SDK1: variants seen among roughly 807,000 people sequenced by gnomAD.
SDK1 encodes the protein protein sidekick-1.
SDK1 carries 157 observed loss-of-function variants against 245.5 expected under a neutral mutation model. The observed-to-expected ratio is 0.64, with a 90% CI of 0.56 to 0.73. The LOEUF (loss-of-function observed/expected upper bound fraction) is 0.73, where lower values mean the gene tolerates loss of function less well. SDK1 is among the 30% of genes least tolerant of loss of function. The pLI, the probability that SDK1 is intolerant of heterozygous loss-of-function variation, is 0.00. For synonymous variants in SDK1, 1,647 were observed against 1,278.5 expected (o/e 1.29, Z -6.15); for missense variants, 3,583 against 3,002.3 (o/e 1.19, Z -4.52).
At chr7:3,749,167 C>A (rs569813923) in intron 4 of SDK1, among the ~76,000 whole-genome samples, 1 of 151,956 alleles carries the variant, frequency 6.6e-6, no homozygotes, top group Non-Finnish European at 1.5e-5. Flanking sequence ...GAGGGAGTCT[C>A]GCTCTGTCAC....
chr7:3,619,566 C>T (rs146272918), intron 2 of SDK1, among the ~76,000 whole-genome samples: 45 of 152,312 alleles, frequency 3.0e-4, no homozygotes, highest in African/African-American at 9.4e-4. Flanking sequence ...CAGCCCTACC[C>T]ACAAGTATTG....
intron 1 of SDK1, among the ~76,000 whole-genome samples, chr7:3,447,862 G>A (rs1336432719): frequency 6.6e-6 from 1 of 151,842 alleles, no homozygotes; most frequent in East Asian, 1.9e-4. Context: ...GCGCCACCAT[G>A]CCTGGCTAAT....
chr7:3,844,579 G>A (rs1232732392), intron 5 of SDK1, among the ~76,000 whole-genome samples: 1 of 152,164 alleles, frequency 6.6e-6, no homozygotes, highest in Non-Finnish European at 1.5e-5. Context: ...TTCCAACAGG[G>A]AGCTATGAAA....
chr7:4,073,818 G>A (rs1780428879), intron 20 of SDK1, among the ~76,000 whole-genome samples: 2 of 152,228 alleles, frequency 1.3e-5, no homozygotes, highest in South Asian at 2.1e-4. Flanking sequence ...TCAGAGACCC[G>A]GAGAACAGCG....
intron 1 of SDK1, among the ~76,000 whole-genome samples, chr7:3,428,319 AATG>A (rs1390102051): frequency 1.3e-5 from 2 of 152,194 alleles, no homozygotes; most frequent in African/African-American, 4.8e-5. Flanking sequence ...TTATTGGCAG[AATG>A]ATGTTAATTA....
chr7:3,741,425 C>T (rs986774543), intron 4 of SDK1, among the ~76,000 whole-genome samples: 11 of 152,180 alleles, frequency 7.2e-5, no homozygotes, highest in Admixed American at 6.5e-4. Context: ...CCCCACTGGC[C>T]ATGCCATATC....
chr7:3,774,415 AC>A (rs1360711337), intron 4 of SDK1, among the ~76,000 whole-genome samples: 1 of 152,080 alleles, frequency 6.6e-6, no homozygotes, highest in Non-Finnish European at 1.5e-5. Flanking sequence ...CTTTTTGCCT[AC>A]CAAGGCTCCT....
chr7:3,817,201 T>C (rs1780487820), intron 4 of SDK1, among the ~76,000 whole-genome samples: 1 of 152,220 alleles, frequency 6.6e-6, no homozygotes, highest in Admixed American at 6.5e-5. Flanking sequence ...GAGCTCATCA[T>C]GAAAATGTTC....
chr7:3,412,658 G>A (rs985735768), intron 1 of SDK1, among the ~76,000 whole-genome samples: 7 of 152,216 alleles, frequency 4.6e-5, no homozygotes, highest in Non-Finnish European at 1.0e-4. Context: ...TTAAAAGGCA[G>A]GGGCAGTTAC....
At chr7:3,944,449 G>C (rs1780497168) in intron 5 of SDK1, among the ~76,000 whole-genome samples, 1 of 152,184 alleles carries the variant, frequency 6.6e-6, no homozygotes, top group South Asian at 2.1e-4. Context: ...GTTAATGTAG[G>C]ACGTTGAAGT....
At position 3,696,700 on chromosome 7, in the gene SDK1, A is replaced by C. The variant is rs16870124; in HGVS notation, c.713+54595A>C. Among the ~76,000 whole-genome samples the C allele has an allele frequency of 2.0e-3, 301 of 152,196 alleles. 1 individual carries two copies. The highest frequency in any genetic ancestry group is 6.8e-3 in the African/African-American group (284 of 41,530). Reference sequence around the variant, plus strand: ...TCCTTTGGTGCCGATTTCTGAAACAATGTTAACAAAAGTAATCAAAGGATG... The same window carrying C: ...TCCTTTGGTGCCGATTTCTGAAACACTGTTAACAAAAGTAATCAAAGGATG... On this transcript the variant is annotated intron_variant, in intron 4 of 44. Coordinates refer to ENST00000404826, the MANE Select transcript of SDK1 (RefSeq NM_152744.4).
At chr7:4,069,681 C>T (rs2128173982) in intron 20 of SDK1, among the ~76,000 whole-genome samples, 1 of 152,340 alleles carries the variant, frequency 6.6e-6, no homozygotes, top group East Asian at 1.9e-4. Context: ...GGTGATCTCT[C>T]CCTCCTGCCA....
chr7:3,365,090 T>C (rs2879877), intron 1 of SDK1, among the ~76,000 whole-genome samples: 3,627 of 152,318 alleles, frequency 0.024, 156 homozygotes, highest in African/African-American at 0.082. Flanking sequence ...TAGGAGTTTT[T>C]ATCTTATATC....
rs115694363 is a variant in SDK1, at chr7:3,915,324, T to C, written c.848-35599T>C. 4.8e-3 allele frequency among the ~76,000 whole-genome samples: 727 copies of C among 152,306 alleles called. 5 individuals carry two copies. The highest frequency in any genetic ancestry group is 0.017 in the African/African-American group (692 of 41,578). On this transcript the variant is annotated intron_variant, in intron 5 of 44. Transcript: ENST00000404826. ...GAAGAGCATGTACCCTGATGTGGTT[T>C]GGCTGTGTCCCCACCCAAATCTCAT...
At chr7:3,671,203 G>T (rs1425686764) in intron 4 of SDK1, among the ~76,000 whole-genome samples, 1 of 152,158 alleles carries the variant, frequency 6.6e-6, no homozygotes, top group East Asian at 1.9e-4. Flanking sequence ...TGGACTTCGT[G>T]TCTGTTTCTG....
intron 4 of SDK1, among the ~76,000 whole-genome samples, chr7:3,744,777 A>G (rs1455185848): frequency 6.6e-6 from 1 of 152,052 alleles, no homozygotes. Flanking sequence ...ACACCAATGC[A>G]CTCCAGCCTG....
chr7:3,809,726 A>G (rs773577317), intron 4 of SDK1, among the ~76,000 whole-genome samples: 18 of 152,210 alleles, frequency 1.2e-4, no homozygotes, highest in Non-Finnish European at 2.4e-4. Context: ...TGGTCCAGCC[A>G]CGAAGACATA....
chr7:3,799,258 T>C (rs1779043828), intron 4 of SDK1, among the ~76,000 whole-genome samples: 1 of 152,206 alleles, frequency 6.6e-6, no homozygotes, highest in Admixed American at 6.5e-5. Flanking sequence ...ATCTTCCAAC[T>C]GAATCTGGAA....
At chr7:3,885,483 C>T (rs943034639) in intron 5 of SDK1, among the ~76,000 whole-genome samples, 17 of 152,134 alleles carry the variant, frequency 1.1e-4, no homozygotes, top group Non-Finnish European at 1.2e-4. Context: ...TTTCGGTACA[C>T]GTGTCACTTA....
Sources: allele counts gnomAD v4.1 joint callset (sites outside exome capture counted in the v4.1 genomes callset), GRCh38; gene constraint gnomAD v4.1.1; transcripts MANE v1.5; gene names NCBI Gene and HGNC (gene_info 2026-07-23, HGNC 2026-07-21).